The following PCSK5 variants were observed in gnomAD, a reference collection of about 807,000 sequenced individuals.
PCSK5 encodes the protein prohormone convertase 5.
A neutral mutation model predicts 233.2 loss-of-function variants in PCSK5; 129 were observed. The observed-to-expected ratio is 0.55, with a 90% CI of 0.48 to 0.64. PCSK5 has a LOEUF of 0.64. Among genes scored for constraint, PCSK5 ranks in the 30% least tolerant of loss-of-function variants. The probability of loss-of-function intolerance (pLI) is 0.00; values close to 1 mark genes in which losing one functional copy is unlikely to be tolerated. For synonymous variants in PCSK5, 825 were observed against 879.2 expected (o/e 0.94, Z 1.09); for missense variants, 2,076 against 2,430.1 (o/e 0.85, Z 3.06).
intron 12 of PCSK5, among the ~76,000 whole-genome samples, chr9:76,162,075 C>G (rs1177838765): frequency 6.6e-6 from 1 of 152,122 alleles, no homozygotes; most frequent in Non-Finnish European, 1.5e-5. Flanking sequence ...GCTGGAGACC[C>G]CAAGAGATGT....
intron 1 of PCSK5, among the ~76,000 whole-genome samples, chr9:75,918,390 T>C (rs1823099221): frequency 6.6e-6 from 1 of 152,226 alleles, no homozygotes; most frequent in Admixed American, 6.5e-5. Flanking sequence ...GTGGGGCTCA[T>C]TAACGTGCAT....
chr9:76,078,683 A>G (rs991087048), intron 7 of PCSK5, among the ~76,000 whole-genome samples: 6 of 152,072 alleles, frequency 3.9e-5, no homozygotes, highest in Admixed American at 2.0e-4. Context: ...ATTGGTCTAC[A>G]TGTCTGTTTA....
chr9:76,158,037 A>G (rs17785210), intron 11 of PCSK5, among the ~76,000 whole-genome samples: 11,830 of 152,162 alleles, frequency 0.078, 685 homozygotes, highest in East Asian at 0.27. Context: ...CTAAGTAACT[A>G]TTTTTCTCGC....
At chr9:76,013,141 C>T (rs1033218607) in intron 3 of PCSK5, among the ~76,000 whole-genome samples, 1 of 152,130 alleles carries the variant, frequency 6.6e-6, no homozygotes, top group Non-Finnish European at 1.5e-5. Context: ...TAATTTGAGA[C>T]AGTAATTAGG....
intron 1 of PCSK5, among the ~76,000 whole-genome samples, chr9:75,911,331 A>G (rs1356132984): frequency 4.8e-5 from 7 of 145,694 alleles, no homozygotes; most frequent in African/African-American, 1.8e-4. Flanking sequence ...TCTTTCTCCC[A>G]CTTTGTAGTC....
At chr9:75,979,490 A>T (rs866566698) in intron 2 of PCSK5, among the ~76,000 whole-genome samples, 8 of 152,328 alleles carry the variant, frequency 5.3e-5, no homozygotes, top group African/African-American at 1.7e-4. Context: ...AGGAGCCCAC[A>T]GTTAGTCGAC....
In PCSK5 at chr9:75,910,134, G is replaced by A. The variant is rs576582748; in HGVS notation, c.192+18761G>A. 2.0e-5 allele frequency among the ~76,000 whole-genome samples: 3 copies of A among 152,338 alleles called. No individual in the cohort carries two copies. The South Asian group carries it at 6.2e-4, about 32-fold the overall frequency. On this transcript the variant is annotated intron_variant, in intron 1 of 37. Coordinates refer to ENST00000674117, the MANE Select transcript of PCSK5 (RefSeq NM_001372043.1). The stretch of plus-strand genomic sequence containing the variant: ...AGACTCATGGGATCAGTTCACTCTA[G>A]TGGAACCTAGTCCATCTCGATAAAC...
At chr9:76,137,084 A>G (rs970601600) in intron 10 of PCSK5, among the ~76,000 whole-genome samples, 33 of 152,108 alleles carry the variant, frequency 2.2e-4, no homozygotes, top group African/African-American at 7.7e-4. Context: ...TCCTGAAGGC[A>G]GACTTGATCC....
At chr9:76,215,130 C>T (rs1403624738) in intron 20 of PCSK5, among the ~76,000 whole-genome samples, 2 of 152,242 alleles carry the variant, frequency 1.3e-5, no homozygotes, top group Non-Finnish European at 2.9e-5. Flanking sequence ...GGCAGCTTTT[C>T]CACAGCCCAT....
At chr9:76,023,498 C>T (rs76207349) in intron 3 of PCSK5, among the ~76,000 whole-genome samples, 9,530 of 152,032 alleles carry the variant, frequency 0.063, 410 homozygotes, top group Admixed American at 0.13. Context: ...GACCTTGTTT[C>T]TGCAAAAAAT....
intron 2 of PCSK5, among the ~76,000 whole-genome samples, chr9:75,984,824 G>C (rs1213777580): frequency 6.6e-6 from 1 of 152,154 alleles, no homozygotes; most frequent in Admixed American, 6.6e-5. Flanking sequence ...GAAATGAAGA[G>C]GTTAAATTGT....
rs41288755 is a variant in PCSK5 at position 76,359,054 on chromosome 9, C to T, written c.*132C>T. 1.4e-3 allele frequency: 944 copies of T among 670,338 alleles called. 1 individual carries two copies. Among genetic ancestry groups the T allele is most frequent in the Non-Finnish European group, 2.0e-3 (787 of 393,304 alleles). 41.5% of individuals were successfully genotyped at this position (670,338 alleles called of 1,614,324 possible). The stretch of plus-strand genomic sequence containing the variant: ...TTGTCTTCTTTAACCATGAGTCCAA[C>T]CAGAATATGTAAGAATGATGAAATA... On this transcript the variant is annotated 3_prime_UTR_variant, in exon 38 of 38. Coordinates refer to ENST00000674117, the MANE Select transcript of PCSK5 (RefSeq NM_001372043.1).
intron 17 of PCSK5, among the ~76,000 whole-genome samples, chr9:76,187,457 G>T (rs539893174): frequency 6.6e-6 from 1 of 151,986 alleles, no homozygotes; most frequent in South Asian, 2.1e-4. Flanking sequence ...AAACTCATGG[G>T]CTCAAGCAAT....
At chr9:76,315,641 A>ATTTTTTTTTTTTTTTTT (rs777066898) in intron 30 of PCSK5, among the ~76,000 whole-genome samples, 1 of 139,102 alleles carries the variant, frequency 7.2e-6, no homozygotes, top group Non-Finnish European at 1.5e-5. Context: ...GGAGAAGACT[A>ATTTTTTTTTTTTTTTTT]CTTTTTTTTT....
chr9:76,053,316 G>A (rs762261367), intron 5 of PCSK5, among the ~76,000 whole-genome samples: 5 of 152,202 alleles, frequency 3.3e-5, no homozygotes, highest in African/African-American at 4.8e-5. Flanking sequence ...GCAAACTTTA[G>A]CCTGGACATC....
intron 14 of PCSK5, among the ~76,000 whole-genome samples, chr9:76,176,005 G>A (rs1466494632): frequency 1.5e-5 from 2 of 136,116 alleles, no homozygotes; most frequent in Admixed American, 1.5e-4. Flanking sequence ...TTTTGTTTTG[G>A]TTTGTGTTGT....
intron 24 of PCSK5, among the ~76,000 whole-genome samples, chr9:76,252,257 C>T (rs989357177): frequency 6.6e-6 from 1 of 151,956 alleles, no homozygotes; most frequent in Non-Finnish European, 1.5e-5. Context: ...GTGACAGAAG[C>T]GAGACTCCGT....
intron 24 of PCSK5, among the ~76,000 whole-genome samples, chr9:76,277,395 G>GCAGTCT (rs1400076902): frequency 1.3e-5 from 2 of 152,136 alleles, no homozygotes; most frequent in African/African-American, 2.4e-5. Flanking sequence ...AGTCAGTCTA[G>GCAGTCT]AGAAGCATGG....
At chr9:76,036,697 A>G (rs1176507657) in intron 5 of PCSK5, among the ~76,000 whole-genome samples, 1 of 152,252 alleles carries the variant, frequency 6.6e-6, no homozygotes, top group African/African-American at 2.4e-5. Flanking sequence ...CCACATTCAG[A>G]GAGAAGTCTA....
Sources: gnomAD v4.1 joint callset for allele counts (sites outside exome capture counted in the v4.1 genomes callset) on GRCh38, gnomAD v4.1.1 for gene constraint, MANE v1.5 for transcripts, NCBI Gene and HGNC (gene_info 2026-07-23, HGNC 2026-07-21) for gene names.